Variants in ARHGEF12 observed in about 807,000 individuals in gnomAD.
ARHGEF12 encodes the protein KMT2A/ARHGEF12 fusion protein.
In ARHGEF12, 66 loss-of-function variants were observed where a neutral mutation model predicts 211.2. That is an observed-to-expected ratio of 0.31 (90% CI 0.26 to 0.38). The LOEUF (loss-of-function observed/expected upper bound fraction) is 0.38. Ranked by LOEUF, ARHGEF12 falls within the 10% of genes least tolerant of loss-of-function variation. The pLI, the probability that ARHGEF12 is intolerant of heterozygous loss-of-function variation, is 1.00. For synonymous variants in ARHGEF12, 592 were observed against 638.4 expected, an observed-to-expected ratio of 0.93 and a Z score of 1.09; for missense variants, 1,429 against 1,869.5, an observed-to-expected ratio of 0.76 and a Z score of 4.34.
At chr11:120,404,222 A>G (rs1377721556) in intron 1 of ARHGEF12, among the ~76,000 whole-genome samples, 1 of 152,102 alleles carries the variant, frequency 6.6e-6, no homozygotes, top group African/African-American at 2.4e-5. Context: ...CTCTGATTAC[A>G]TCTGTCTCAA....
intron 27 of ARHGEF12, chr11:120,462,409 T>C (rs1365587216): frequency 6.6e-6 from 1 of 152,130 alleles, no homozygotes. Context: ...TGATGACAGA[T>C]CACCGTAACA....
intron 1 of ARHGEF12, among the ~76,000 whole-genome samples, chr11:120,357,524 G>T (rs1416505973): frequency 6.6e-6 from 1 of 152,158 alleles, no homozygotes; most frequent in Non-Finnish European, 1.5e-5. Context: ...AATGTGGGAT[G>T]TAGTTACTGG....
chr11:120,366,418 A>G (rs753757964), intron 1 of ARHGEF12, among the ~76,000 whole-genome samples: 11 of 152,070 alleles, frequency 7.2e-5, no homozygotes, highest in Non-Finnish European at 1.5e-5. Flanking sequence ...TTGGGCTCCC[A>G]AAGTGCTGGG....
intron 1 of ARHGEF12, among the ~76,000 whole-genome samples, chr11:120,376,222 ATT>A (rs34068708): frequency 4.0e-5 from 6 of 150,514 alleles, no homozygotes; most frequent in African/African-American, 1.5e-4. Context: ...GAAATGTTAA[ATT>A]TTTTTTTTTA....
At chr11:120,342,299 C>T (rs569996198) in intron 1 of ARHGEF12, among the ~76,000 whole-genome samples, 32 of 152,256 alleles carry the variant, frequency 2.1e-4, no homozygotes, top group African/African-American at 7.0e-4. Flanking sequence ...TTGTCACTTC[C>T]TCAGGAGACT....
intron 1 of ARHGEF12, among the ~76,000 whole-genome samples, chr11:120,372,373 C>G (rs1943613412): frequency 6.6e-6 from 1 of 152,016 alleles, no homozygotes; most frequent in Non-Finnish European, 1.5e-5. Flanking sequence ...GATATACCAT[C>G]TTTAACATTG....
At chr11:120,433,929 G>C (rs889693416) in intron 11 of ARHGEF12, among the ~76,000 whole-genome samples, 2 of 152,114 alleles carry the variant, frequency 1.3e-5, no homozygotes, top group Non-Finnish European at 2.9e-5. Context: ...TTGCACTCCA[G>C]CATGGGTGAC....
intron 1 of ARHGEF12, among the ~76,000 whole-genome samples, chr11:120,341,239 G>A (rs911217918): frequency 2.8e-5 from 3 of 108,984 alleles, no homozygotes; most frequent in African/African-American, 1.2e-4. Flanking sequence ...TGTATTTTTA[G>A]TAGAGACGGG....
At chr11:120,374,388 G>A (rs1943669316) in intron 1 of ARHGEF12, among the ~76,000 whole-genome samples, 1 of 152,134 alleles carries the variant, frequency 6.6e-6, no homozygotes, top group South Asian at 2.1e-4. Flanking sequence ...TTTTATTTAA[G>A]CACCTATAAA....
rs189456460 is a variant in ARHGEF12 at position 120,377,350 on chromosome 11, T to C, written c.33-28768T>C. Among the ~76,000 whole-genome samples, 99 of 149,522 alleles carry C rather than the reference T, an allele frequency of 6.6e-4. 1 individual carries two copies. Among genetic ancestry groups the C allele is most frequent in the Admixed American group, 5.2e-3 (78 of 14,968 alleles). On this transcript the variant is annotated intron_variant, in intron 1 of 40. Coordinates refer to ENST00000397843, the MANE Select transcript of ARHGEF12 (RefSeq NM_015313.3). ...TTCTGTGTCTGTCTTCTCTGTCTCT[T>C]TTTTTTTTTAAAGACAGTCTCTGTT...
At chr11:120,453,016 A>AC (rs1025138193) in intron 22 of ARHGEF12, among the ~76,000 whole-genome samples, 27 of 142,318 alleles carry the variant, frequency 1.9e-4, no homozygotes, top group Admixed American at 1.2e-3. Context: ...CAAAAACAAA[A>AC]ACAAAAAAAA....
At position 120,459,278 on chromosome 11, in the gene ARHGEF12, C is replaced by T. The variant is rs771854554; in HGVS notation, c.2485C>T (p.Arg829Trp). ...AGGAATTCTGTCACCCTCAGAGCTACGGAAAATTTTTTCAAACTTGGAAGA... is the reference window on the plus strand; with the variant it reads ...AGGAATTCTGTCACCCTCAGAGCTATGGAAAATTTTTTCAAACTTGGAAGA... ...REGILSPSELRKIFSNLEDIL... is the reference protein window; with the variant it reads ...REGILSPSELWKIFSNLEDIL... Residue 829 changes from arginine to tryptophan, a missense_variant, in exon 26 of 41, where the codon CGG (arginine) becomes TGG (tryptophan). Arg to Trp is a moderately radical substitution (Grantham distance 101). Around this residue, in one of 7 missense-constraint regions of ARHGEF12, gnomAD observed 223 missense variants for 444.6 expected, o/e 0.50. Coordinates refer to ENST00000397843, the MANE Select transcript of ARHGEF12 (RefSeq NM_015313.3). 29 of 1,613,220 alleles carry T rather than the reference C, an allele frequency of 1.8e-5. No individual in the cohort carries two copies. The highest frequency in any genetic ancestry group is 2.2e-5 in the Non-Finnish European group (26 of 1,179,644).
chr11:120,345,972 T>C (rs1285225828), intron 1 of ARHGEF12, among the ~76,000 whole-genome samples: 1 of 152,102 alleles, frequency 6.6e-6, no homozygotes, highest in African/African-American at 2.4e-5. Context: ...ATGATCCAAC[T>C]ACCCAGATGT....
chr11:120,484,394 T>C (rs574471317), intron 39 of ARHGEF12, 44 bp from the exon 40 acceptor site: 1 of 1,566,442 alleles, frequency 6.4e-7, no homozygotes, highest in African/African-American at 1.4e-5. Flanking sequence ...TTTTGTTTTG[T>C]TTCATTACGT....
chr11:120,431,250 A>T (rs79399257), intron 10 of ARHGEF12, among the ~76,000 whole-genome samples: 1 of 152,180 alleles, frequency 6.6e-6, no homozygotes, highest in African/African-American at 2.4e-5. Flanking sequence ...AGATCCTGCC[A>T]CTACACTCCA....
chr11:120,402,219 A>G (rs984058543), intron 1 of ARHGEF12, among the ~76,000 whole-genome samples: 2 of 152,200 alleles, frequency 1.3e-5, no homozygotes, highest in Non-Finnish European at 2.9e-5. Flanking sequence ...ATTTATAGCA[A>G]TCAATAATAC....
At chr11:120,479,165 G>A (rs1947156037) in intron 37 of ARHGEF12, among the ~76,000 whole-genome samples, 2 of 152,180 alleles carry the variant, frequency 1.3e-5, no homozygotes, top group African/African-American at 4.8e-5. Flanking sequence ...AGGTTAGGAA[G>A]AGATAGAGAT....
chr11:120,386,881 G>T (rs1944047517), intron 1 of ARHGEF12, among the ~76,000 whole-genome samples: 1 of 152,090 alleles, frequency 6.6e-6, no homozygotes, highest in Non-Finnish European at 1.5e-5. Flanking sequence ...AAGTAACAAA[G>T]CCATGAAGTG....
intron 4 of ARHGEF12, among the ~76,000 whole-genome samples, chr11:120,414,606 G>T (rs993684664): frequency 5.3e-5 from 8 of 152,098 alleles, no homozygotes; most frequent in Non-Finnish European, 1.2e-4. Flanking sequence ...TTTGATAAGT[G>T]CAGTGATAGA....
Sources: allele counts gnomAD v4.1 joint callset (sites outside exome capture counted in the v4.1 genomes callset), GRCh38; gene constraint gnomAD v4.1.1; regional missense constraint gnomAD v4.1.1; transcripts MANE v1.5; gene names NCBI Gene and HGNC (gene_info 2026-07-23, HGNC 2026-07-21).